The following FABP4 variants were observed in gnomAD, a reference collection of about 807,000 sequenced individuals.
FABP4 encodes the protein fatty acid-binding protein, adipocyte.
A neutral mutation model predicts 14.6 loss-of-function variants in FABP4; 17 were observed. The ratio of observed to expected loss-of-function variants is 1.16; its 90% CI spans 0.80 to 1.74. FABP4 has a LOEUF of 1.74. FABP4 is among the 40% of genes most tolerant of loss of function. The probability of loss-of-function intolerance (pLI) is 0.00; values close to 1 mark genes in which losing one functional copy is unlikely to be tolerated. For missense variants in FABP4, 149 were observed against 160.3 expected, an observed-to-expected ratio of 0.93 and a Z score of 0.38; for synonymous variants, 54 against 54.6, an observed-to-expected ratio of 0.99 and a Z score of 0.05.
Position 81,478,912 on chromosome 8 carries a change from A to T in FABP4, c.352T>A (p.Cys118Ser). The T allele has an allele frequency of 2.5e-6, 4 of 1,613,008 alleles. No individual in the cohort carries two copies. In the African/African-American group the frequency reaches 5.3e-5, roughly 22 times the overall value. The change falls in exon 4 of 4, where the codon TGC becomes AGC. Residue 118 changes from cysteine to serine, a missense_variant. Coordinates refer to ENST00000256104, the MANE Select transcript of FABP4 (RefSeq NM_001442.3). ...GTGGAAGTGACGCCTTTCATGACGCATTCCTAGACACAAAAAACAATTCTT... is the reference window on the plus strand; with the variant it reads ...GTGGAAGTGACGCCTTTCATGACGCTTTCCTAGACACAAAAAACAATTCTT... ...KREDDKLVVE[C>S]VMKGVTSTRV...
rs141947001 is a variant in FABP4, at chr8:81,480,695, G to C, written c.74-97C>G. 148 of 1,080,122 alleles carry C rather than the reference G, an allele frequency of 1.4e-4. No homozygotes were observed. The African/African-American group carries it at 2.2e-3, about 16-fold the overall frequency. The allele number at this position is 1,080,122 out of a possible 1,614,324, so 66.9% of individuals were successfully genotyped here. A position where few individuals can be genotyped will look rare whatever the true frequency, so the allele number is the denominator to read the frequency against. ...TGTGTGCACACAGGTGCATGTGCAG[G>C]AGGAAAAAGGCACAGAGAGTTTCTT... On this transcript the variant is annotated intron_variant, in intron 1 of 3. Coordinates refer to ENST00000256104, the MANE Select transcript of FABP4 (RefSeq NM_001442.3).
In FABP4 at chr8:81,478,821, G is replaced by A. The variant is rs114474957; in HGVS notation, c.*44C>T. ...TGAACAATATATCCCACAGAATGTT[G>A]TAGAGTTCAATGCGAACTTCAGTCC... On this transcript the variant is annotated 3_prime_UTR_variant, in exon 4 of 4. Coordinates refer to ENST00000256104, the MANE Select transcript of FABP4 (RefSeq NM_001442.3). 2,860 of 1,543,398 alleles carry A rather than the reference G, an allele frequency of 1.9e-3. 40 individuals are homozygous for A. The African/African-American group carries it at 0.036, about 19-fold the overall frequency.
chr8:81,480,641 T>A, intron 1 of FABP4, 43 bp from the exon 2 acceptor site: 1 of 1,556,148 alleles, frequency 6.4e-7, no homozygotes, highest in Non-Finnish European at 8.7e-7. Context: ...ACATTTTCTC[T>A]CACGTACTTA....
rs1585811033 is a variant in FABP4, at chr8:81,479,471, T to A, written c.291A>T (p.Lys97Asn). Residue 97 changes from lysine (K) to asparagine (N), a missense_variant, in exon 3 of 4, where the codon AAA becomes AAT. Transcript: ENST00000256104. ...LDGGVLVHVQKWDGKSTTIKR... is the reference protein window; with the variant it reads ...LDGGVLVHVQNWDGKSTTIKR... ...TTATGGTGGTTGATTTTCCATCCCA[T>A]TTCTGCACATGTACCAGGACACCCC... 2.5e-6 allele frequency: 4 copies of A among 1,613,278 alleles called. No homozygotes were observed. Among genetic ancestry groups the A allele is most frequent in the Non-Finnish European group, 3.4e-6 (4 of 1,179,510 alleles).
At chr8:81,480,051 A>G (rs1808049236) in intron 2 of FABP4, 2 of 166,242 alleles carry the variant, frequency 1.2e-5, no homozygotes, top group South Asian at 3.5e-4. Flanking sequence ...CTACAAAAAA[A>G]TTAAGAAATT....
At chr8:81,480,358 A>G in intron 2 of FABP4, 68 bp downstream of exon 2, 1 of 1,423,996 alleles carries the variant, frequency 7.0e-7, no homozygotes, top group Non-Finnish European at 9.5e-7. Context: ...TTATCATAAA[A>G]TGATTTCTTA....
chr8:81,481,104 G>T (rs1276773241), intron 1 of FABP4, among the ~76,000 whole-genome samples: 1 of 152,060 alleles, frequency 6.6e-6, no homozygotes, highest in Non-Finnish European at 1.5e-5. Flanking sequence ...TTAGTTAAAG[G>T]TTCGTCTGTT....
At position 81,483,226 on chromosome 8, in the gene FABP4, G is replaced by A; in HGVS notation, c.-59C>T. On this transcript the variant is annotated 5_prime_UTR_variant, in exon 1 of 4. Coordinates refer to ENST00000256104, the MANE Select transcript of FABP4 (RefSeq NM_001442.3). ...AGAAGGAAGCTGCAGTTTTCAGGAG[G>A]GTGCTGTGACCCTCTTGAGTCCAGA... The A allele has an allele frequency of 7.2e-7, 1 of 1,393,810 alleles. No homozygotes were observed. The highest frequency in any genetic ancestry group is 1.0e-6 in the Non-Finnish European group (1 of 1,000,924). The allele number at this position is 1,393,810 out of a possible 1,614,324, so 86.3% of individuals were successfully genotyped here.
intron 3 of FABP4, 146 bp downstream of exon 3, chr8:81,479,268 C>T: frequency 1.5e-6 from 1 of 688,268 alleles, no homozygotes; most frequent in East Asian, 2.7e-5. Context: ...GCATGAAGGG[C>T]AAATGCCAGA....
intron 3 of FABP4, 66 bp downstream of exon 3, chr8:81,479,348 G>T: frequency 8.0e-7 from 1 of 1,247,832 alleles, no homozygotes; most frequent in Non-Finnish European, 1.2e-6. Flanking sequence ...GTTTCCTTAA[G>T]TGGAATAGTG....
At chr8:81,478,938 G>T (rs1199021523) in intron 3 of FABP4, 23 bp from the exon 4 acceptor site, 2 of 1,598,300 alleles carry the variant, frequency 1.3e-6, no homozygotes, top group African/African-American at 1.4e-5. Flanking sequence ...AACAATTCTT[G>T]GTCAATCACT....
At position 81,481,588 on chromosome 8, in the gene FABP4, T is replaced by C. The variant is rs1321640531; in HGVS notation, c.74-990A>G. On this transcript the variant is annotated intron_variant, in intron 1 of 3. Coordinates refer to ENST00000256104, the MANE Select transcript of FABP4 (RefSeq NM_001442.3). ...TGTAAATCTAAGCTCTTTCTTTGACTAAAGGCAACCAAAGGTTAGAAATTG... is the reference window on the plus strand; with the variant it reads ...TGTAAATCTAAGCTCTTTCTTTGACCAAAGGCAACCAAAGGTTAGAAATTG... Among the ~76,000 whole-genome samples, 4 of 152,300 alleles carry C rather than the reference T, an allele frequency of 2.6e-5. No homozygotes were observed. In the East Asian group the frequency reaches 5.8e-4, roughly 22 times the overall value.
rs537703086 is a variant in FABP4 at position 81,480,740 on chromosome 8, C to T, written c.74-142G>A. Reference sequence around the variant, plus strand: ...TTTCTTAAAGGCCTAATTTAAACAGCTCCTGCAGATAAAATCAGGCCAATA... The same window carrying T: ...TTTCTTAAAGGCCTAATTTAAACAGTTCCTGCAGATAAAATCAGGCCAATA... On this transcript the variant is annotated intron_variant, in intron 1 of 3. Coordinates refer to ENST00000256104, the MANE Select transcript of FABP4 (RefSeq NM_001442.3). 8 of 547,346 alleles carry T rather than the reference C, an allele frequency of 1.5e-5. No homozygotes were observed. The Admixed American group carries it at 2.4e-4, about 16-fold the overall frequency. 33.9% of individuals were successfully genotyped at this position (547,346 alleles called of 1,614,324 possible).
At chr8:81,479,378 G>A (rs1406323818) in intron 3 of FABP4, 36 bp downstream of exon 3, 5 of 1,502,402 alleles carry the variant, frequency 3.3e-6, no homozygotes, top group Non-Finnish European at 4.6e-6. Context: ...TAACCTAGCA[G>A]TAAGATCCAG....
chr8:81,480,379 G>T (rs1426651843), intron 2 of FABP4, 47 bp downstream of exon 2: 16 of 1,551,890 alleles, frequency 1.0e-5, no homozygotes, highest in Non-Finnish European at 1.3e-5. Flanking sequence ...TAGCAGTGGT[G>T]ATTTAGAAAC....
At chr8:81,480,640 C>G (rs17848127) in intron 1 of FABP4, 42 bp from the exon 2 acceptor site, 15 of 1,559,028 alleles carry the variant, frequency 9.6e-6, no homozygotes, top group African/African-American at 1.4e-5. Flanking sequence ...TACATTTTCT[C>G]TCACGTACTT....
At chr8:81,482,776 C>T (rs76378614) in intron 1 of FABP4, among the ~76,000 whole-genome samples, 1,607 of 152,212 alleles carry the variant, frequency 0.011, 24 homozygotes, top group African/African-American at 0.037. Context: ...GAAAGAGAAA[C>T]AGGCAAAGAG....
intron 2 of FABP4, 178 bp from the exon 3 acceptor site, chr8:81,479,693 C>T (rs989916602): frequency 5.2e-5 from 26 of 498,760 alleles, no homozygotes; most frequent in South Asian, 6.4e-5. Flanking sequence ...CTTATGGATA[C>T]GTTATGTCCA....
intron 2 of FABP4, 132 bp from the exon 3 acceptor site, chr8:81,479,647 G>A: frequency 5.2e-6 from 3 of 572,012 alleles, no homozygotes; most frequent in Non-Finnish European, 6.1e-6. Flanking sequence ...ATTGCAACAA[G>A]AAAAAAAATG....
Sources: gnomAD v4.1 joint callset for allele counts (sites outside exome capture counted in the v4.1 genomes callset) on GRCh38, gnomAD v4.1.1 for gene constraint, MANE v1.5 for transcripts, NCBI Gene and HGNC (gene_info 2026-07-23, HGNC 2026-07-21) for gene names.